The following URI1 variants were observed in gnomAD, a reference collection of about 807,000 sequenced individuals.
URI1 encodes the protein unconventional prefoldin RPB5 interactor 1.
A neutral mutation model predicts 60.2 loss-of-function variants in URI1; 39 were observed. The ratio of observed to expected loss-of-function variants is 0.65; its 90% CI spans 0.50 to 0.85. The LOEUF (loss-of-function observed/expected upper bound fraction) is 0.85, where lower values mean the gene tolerates loss of function less well. Among genes scored for constraint, URI1 ranks in the 40% least tolerant of loss-of-function variants. URI1 has a pLI of 0.00. For missense variants in URI1, 691 were observed against 665.9 expected (o/e 1.04, Z -0.42); for synonymous variants, 251 against 236.8 (o/e 1.06, Z -0.55).
At chr19:29,960,677 A>T (rs1436584914) in intron 1 of URI1, among the ~76,000 whole-genome samples, 2 of 152,106 alleles carry the variant, frequency 1.3e-5, no homozygotes, top group Admixed American at 6.5e-5. Context: ...TATAAACAGC[A>T]TATTGTTGTG....
At chr19:29,942,073 A>C (rs1307609782), upstream of URI1, among the ~76,000 whole-genome samples, 1 of 151,116 alleles carries the variant, frequency 6.6e-6, no homozygotes, top group African/African-American at 2.4e-5. Flanking sequence ...TCGGCATAAA[A>C]TGTAAGCTTC....
At chr19:30,010,763 A>T (rs2056007013) in intron 8 of URI1, among the ~76,000 whole-genome samples, 1 of 152,194 alleles carries the variant, frequency 6.6e-6, no homozygotes, top group African/African-American at 2.4e-5. Flanking sequence ...GAAATACATA[A>T]TTCAAGCCAA....
chr19:29,992,612 A>G (rs2055760524), intron 4 of URI1, among the ~76,000 whole-genome samples: 1 of 152,144 alleles, frequency 6.6e-6, no homozygotes, highest in Admixed American at 6.5e-5. Context: ...AGTATTTTTA[A>G]TGTTACAAAT....
At chr19:29,993,104 A>C (rs1568436445) in intron 4 of URI1, among the ~76,000 whole-genome samples, 1 of 152,228 alleles carries the variant, frequency 6.6e-6, no homozygotes, top group African/African-American at 2.4e-5. Context: ...TTAAAAATGC[A>C]TACTTAGTCT....
At chr19:30,008,374 A>G (rs1234279251) in intron 7 of URI1, among the ~76,000 whole-genome samples, 1 of 152,034 alleles carries the variant, frequency 6.6e-6, no homozygotes, top group Admixed American at 6.6e-5. Flanking sequence ...AACTAATACT[A>G]TTCATTTTTT....
chr19:29,931,710 T>C (rs560600723), intron 1 of URI1, among the ~76,000 whole-genome samples: 5 of 152,316 alleles, frequency 3.3e-5, no homozygotes, highest in African/African-American at 1.2e-4. Flanking sequence ...GTTTTCGATG[T>C]ACAAACTTGC....
rs576043707 is a variant in URI1, at chr19:29,954,595, A to T, written c.117+11931A>T. Among the ~76,000 whole-genome samples, 367 of 149,500 alleles carry T rather than the reference A, an allele frequency of 2.5e-3. 1 individual carries two copies. Among genetic ancestry groups the T allele is most frequent in the African/African-American group, 8.9e-3 (359 of 40,444 alleles). On this transcript the variant is annotated intron_variant, in intron 1 of 10. Transcript: ENST00000392271. ...AGTGGCGCAATCTCGGCTCACTGCA[A>T]CCTCCACATCCCAGGTTCAAGCAAT...
At chr19:29,981,213 CAT>C (rs1226063557) in intron 2 of URI1, among the ~76,000 whole-genome samples, 1 of 151,954 alleles carries the variant, frequency 6.6e-6, no homozygotes, top group African/African-American at 2.4e-5. Flanking sequence ...AAATTTCAAA[CAT>C]ATGGAAGAGT....
intron 1 of URI1, among the ~76,000 whole-genome samples, chr19:29,949,653 A>T (rs929595213): frequency 1.3e-5 from 2 of 152,190 alleles, no homozygotes; most frequent in Non-Finnish European, 2.9e-5. Flanking sequence ...TCCGTCTGCA[A>T]TCCCGGCACG....
intron 1 of URI1, among the ~76,000 whole-genome samples, chr19:29,955,866 C>T (rs968188759): frequency 2.0e-5 from 3 of 152,030 alleles, no homozygotes; most frequent in Admixed American, 6.6e-5. Context: ...GCTGGGATTA[C>T]AGGCGTGAGC....
At chr19:29,958,969 C>T (rs1481227976) in intron 1 of URI1, among the ~76,000 whole-genome samples, 1 of 150,872 alleles carries the variant, frequency 6.6e-6, no homozygotes. Flanking sequence ...AAAAAAACAA[C>T]AAAAAACATT....
chr19:29,999,104 A>G (rs2055847043), intron 4 of URI1, among the ~76,000 whole-genome samples: 1 of 152,114 alleles, frequency 6.6e-6, no homozygotes, highest in Non-Finnish European at 1.5e-5. Flanking sequence ...ACCTCTTTAT[A>G]TTATTTGTGT....
chr19:29,925,923 A>G (rs2054861459), intron 1 of URI1: 1 of 152,208 alleles, frequency 6.6e-6, no homozygotes, highest in South Asian at 2.1e-4. Flanking sequence ...GTCCATTGGT[A>G]TGAAGTTTAA....
At chr19:29,971,077 A>G in intron 1 of URI1, 116 bp from the exon 2 acceptor site, 1 of 949,566 alleles carries the variant, frequency 1.1e-6, no homozygotes, top group South Asian at 1.4e-5. Context: ...ATAAAAATGT[A>G]TACTGAGATG....
intron 1 of URI1, among the ~76,000 whole-genome samples, chr19:29,929,992 T>C (rs1211437221): frequency 1.3e-5 from 2 of 149,266 alleles, no homozygotes; most frequent in African/African-American, 5.0e-5. Context: ...CAGGGTGGAG[T>C]GCAGTGGTGT....
intron 2 of URI1, among the ~76,000 whole-genome samples, chr19:29,975,051 A>G (rs944622081): frequency 6.7e-6 from 1 of 150,294 alleles, no homozygotes; most frequent in Non-Finnish European, 1.5e-5. Flanking sequence ...ATACAGGTGC[A>G]TGTATCTTTT....
At chr19:29,951,504 C>T (rs529924878) in intron 1 of URI1, among the ~76,000 whole-genome samples, 1 of 149,666 alleles carries the variant, frequency 6.7e-6, no homozygotes, top group Non-Finnish European at 1.5e-5. Context: ...TCAAATTGTT[C>T]TAAATTTGGC....
chr19:30,001,828 T>C (rs994322849), intron 4 of URI1, among the ~76,000 whole-genome samples: 1 of 152,000 alleles, frequency 6.6e-6, no homozygotes, highest in Non-Finnish European at 1.5e-5. Flanking sequence ...CTTTATGGGT[T>C]TATGCCTTTA....
At chr19:29,961,688 T>TG (rs2055327255) in intron 1 of URI1, among the ~76,000 whole-genome samples, 1 of 147,038 alleles carries the variant, frequency 6.8e-6, no homozygotes, top group Non-Finnish European at 1.5e-5. Context: ...TTTTTTTTTT[T>TG]TTGTTGTTTG....
Sources: gnomAD v4.1 joint callset for allele counts (sites outside exome capture counted in the v4.1 genomes callset) on GRCh38, gnomAD v4.1.1 for gene constraint, MANE v1.5 for transcripts, NCBI Gene and HGNC (gene_info 2026-07-23, HGNC 2026-07-21) for gene names.